Variants in CSMD1 observed in about 807,000 individuals in gnomAD.
CSMD1 encodes CUB and sushi domain-containing protein 1.
Under a neutral mutation model 417.5 loss-of-function variants are expected in CSMD1, and 213 were observed. The ratio of observed to expected loss-of-function variants is 0.51; its 90% confidence interval spans 0.46 to 0.57. The LOEUF (loss-of-function observed/expected upper bound fraction) is 0.57, where lower values mean the gene tolerates loss of function less well. CSMD1 is among the 20% of genes least tolerant of loss of function. The probability of loss-of-function intolerance (pLI) is 0.00; values close to 1 mark genes in which losing one functional copy is unlikely to be tolerated. For missense variants in CSMD1, 6,923 were observed against 4,529.7 expected, an observed-to-expected ratio of 1.53 and a Z score of -15.17; for synonymous variants, 2,862 against 1,736.8, an observed-to-expected ratio of 1.65 and a Z score of -16.11.
intron 2 of CSMD1, among the ~76,000 whole-genome samples, chr8:4,610,127 T>G (rs183279387): frequency 8.2e-4 from 124 of 151,552 alleles, no homozygotes; most frequent in Non-Finnish European, 1.6e-3. Flanking sequence ...GGGTGTCATT[T>G]AAAGACTAAT....
At chr8:3,861,561 A>C (rs766632286) in intron 5 of CSMD1, among the ~76,000 whole-genome samples, 90 of 152,268 alleles carry the variant, frequency 5.9e-4, no homozygotes, top group Admixed American at 1.3e-3. Context: ...CGTGAGCATT[A>C]CTTGGGAATG....
intron 3 of CSMD1, among the ~76,000 whole-genome samples, chr8:4,117,290 T>A (rs5016257): frequency 6.6e-6 from 1 of 151,608 alleles, no homozygotes; most frequent in Admixed American, 6.6e-5. Flanking sequence ...GCAGCATGCG[T>A]GGCTGGCTGG....
At chr8:4,224,437 G>C (rs1358390414) in intron 3 of CSMD1, among the ~76,000 whole-genome samples, 1 of 152,134 alleles carries the variant, frequency 6.6e-6, no homozygotes, top group East Asian at 1.9e-4. Context: ...ATCTTTTAAA[G>C]CTTATTCTCA....
rs760667545 is a variant in CSMD1 at position 3,650,307 on chromosome 8, G to C, written c.1010-33510C>G. On this transcript the variant is annotated intron_variant, in intron 7 of 69. Coordinates refer to ENST00000635120, the MANE Select transcript of CSMD1 (RefSeq NM_033225.6). ...AAAAAAAAGAAAAGTAAAGAAAAAA[G>C]AAAATGAATGATTGAGTTTCAAGTT... Among the ~76,000 whole-genome samples the C allele has an allele frequency of 3.9e-5, 6 of 151,986 alleles. No homozygotes were observed. In the South Asian group the frequency reaches 8.3e-4, roughly 21 times the overall value.
chr8:3,595,876 G>C (rs1801068050), intron 8 of CSMD1, among the ~76,000 whole-genome samples: 1 of 152,214 alleles, frequency 6.6e-6, no homozygotes, highest in African/African-American at 2.4e-5. Flanking sequence ...AAGAGGGTTT[G>C]GATGCAGCCA....
intron 2 of CSMD1, among the ~76,000 whole-genome samples, chr8:4,544,701 T>A (rs868272145): frequency 6.6e-6 from 1 of 152,212 alleles, no homozygotes; most frequent in Admixed American, 6.5e-5. Flanking sequence ...TTACAATGTA[T>A]CCTTGAAAAT....
chr8:4,429,332 GTA>G (rs1480718693), intron 2 of CSMD1, among the ~76,000 whole-genome samples: 1 of 151,896 alleles, frequency 6.6e-6, no homozygotes, highest in Non-Finnish European at 1.5e-5. Flanking sequence ...CTTTACATGT[GTA>G]TATGTGTGTA....
chr8:4,397,691 A>G (rs537427922), intron 3 of CSMD1, among the ~76,000 whole-genome samples: 2 of 152,220 alleles, frequency 1.3e-5, no homozygotes, highest in East Asian at 1.9e-4. Context: ...AGAAATAGAT[A>G]TTAATAAGAT....
At chr8:3,762,113 C>G (rs377409180) in intron 5 of CSMD1, among the ~76,000 whole-genome samples, 1 of 152,148 alleles carries the variant, frequency 6.6e-6, no homozygotes, top group East Asian at 1.9e-4. Flanking sequence ...CAGCTTGGCT[C>G]ATTCTGCTTT....
At chr8:4,535,400 G>A (rs1055489183) in intron 2 of CSMD1, among the ~76,000 whole-genome samples, 19 of 152,030 alleles carry the variant, frequency 1.2e-4, no homozygotes, top group African/African-American at 4.6e-4. Flanking sequence ...CGTCTTCCAA[G>A]GATGAACAAT....
intron 7 of CSMD1, among the ~76,000 whole-genome samples, chr8:3,637,045 A>T (rs1797085824): frequency 6.6e-6 from 1 of 152,096 alleles, no homozygotes; most frequent in Admixed American, 6.6e-5. Context: ...CAGAAAGAAA[A>T]CCCTCGCCAG....
At chr8:3,996,452 T>TC (rs1364623932) in intron 5 of CSMD1, among the ~76,000 whole-genome samples, 5 of 151,796 alleles carry the variant, frequency 3.3e-5, no homozygotes, top group Non-Finnish European at 4.4e-5. Flanking sequence ...AGATTTTTTT[T>TC]TTAGCACAGC....
intron 5 of CSMD1, among the ~76,000 whole-genome samples, chr8:3,951,127 G>A (rs938458279): frequency 6.6e-6 from 1 of 152,192 alleles, no homozygotes; most frequent in Non-Finnish European, 1.5e-5. Context: ...ATAGGCAGGA[G>A]ATGTCTCAAA....
chr8:3,021,376 G>C (rs1306253950), intron 51 of CSMD1, among the ~76,000 whole-genome samples: 2 of 152,162 alleles, frequency 1.3e-5, no homozygotes, highest in Non-Finnish European at 2.9e-5. Flanking sequence ...AAAGATAGCA[G>C]CAATAACTCG....
At chr8:3,997,290 C>G (rs1463455778) in intron 5 of CSMD1, among the ~76,000 whole-genome samples, 3 of 152,198 alleles carry the variant, frequency 2.0e-5, no homozygotes, top group Non-Finnish European at 4.4e-5. Flanking sequence ...GACCATCACT[C>G]CTAAATAGGC....
At chr8:3,399,073 G>T (rs762871734) in intron 16 of CSMD1, among the ~76,000 whole-genome samples, 1 of 152,074 alleles carries the variant, frequency 6.6e-6, no homozygotes, top group South Asian at 2.1e-4. Flanking sequence ...TGGTTTCCAT[G>T]TGCAATCAGA....
chr8:4,366,530 T>C (rs2128910280), intron 3 of CSMD1, among the ~76,000 whole-genome samples: 1 of 152,314 alleles, frequency 6.6e-6, no homozygotes, highest in South Asian at 2.1e-4. Flanking sequence ...TTAATTAATT[T>C]GCATTCCACT....
chr8:4,887,350 C>T (rs546526664), intron 1 of CSMD1, among the ~76,000 whole-genome samples: 1 of 152,034 alleles, frequency 6.6e-6, no homozygotes, highest in East Asian at 1.9e-4. Flanking sequence ...GATTTCAATC[C>T]GTTTAAATGT....
At chr8:4,153,736 C>A (rs963031350) in intron 3 of CSMD1, among the ~76,000 whole-genome samples, 5 of 152,208 alleles carry the variant, frequency 3.3e-5, no homozygotes, top group Admixed American at 6.5e-5. Context: ...GCAGTGGGCA[C>A]GGTTTCAGTG....
Sources: gnomAD v4.1 joint callset for allele counts (sites outside exome capture counted in the v4.1 genomes callset) on GRCh38, gnomAD v4.1.1 for gene constraint, MANE v1.5 for transcripts, NCBI Gene and HGNC (gene_info 2026-07-23, HGNC 2026-07-21) for gene names.